Variants in EFCAB6 observed in about 807,000 individuals in gnomAD.
EFCAB6 encodes the protein EF-hand calcium binding domain 6, also known as EF-hand calcium-binding domain-containing protein 6.
A neutral mutation model predicts 169.8 loss-of-function variants in EFCAB6; 156 were observed. The ratio of observed to expected loss-of-function variants is 0.92; its 90% CI spans 0.81 to 1.05. The LOEUF (loss-of-function observed/expected upper bound fraction) is 1.05. EFCAB6 is among the 50% of genes least tolerant of loss of function. EFCAB6 has a pLI of 0.00. For synonymous variants in EFCAB6, 698 were observed against 676.4 expected (o/e 1.03, Z -0.50); for missense variants, 1,800 against 1,829.1 (o/e 0.98, Z 0.29).
intron 17 of EFCAB6, among the ~76,000 whole-genome samples, chr22:43,641,059 G>A (rs1421877980): frequency 2.0e-5 from 3 of 152,110 alleles, no homozygotes; most frequent in East Asian, 3.9e-4. Flanking sequence ...CACATGGCAG[G>A]CACTCAACAA....
At chr22:43,674,894 C>T (rs2057655898) in intron 13 of EFCAB6, among the ~76,000 whole-genome samples, 1 of 151,998 alleles carries the variant, frequency 6.6e-6, no homozygotes, top group Non-Finnish European at 1.5e-5. Flanking sequence ...TGGCTGGCTG[C>T]TCACTTGATT....
At chr22:43,640,586 T>C (rs376823272) in intron 17 of EFCAB6, among the ~76,000 whole-genome samples, 2 of 152,142 alleles carry the variant, frequency 1.3e-5, no homozygotes, top group African/African-American at 4.8e-5. Flanking sequence ...CAGGTAGCAT[T>C]AGTTACCCAG....
intron 27 of EFCAB6, among the ~76,000 whole-genome samples, chr22:43,548,003 G>A (rs1033975423): frequency 2.0e-5 from 3 of 152,046 alleles, no homozygotes; most frequent in Admixed American, 2.0e-4. Flanking sequence ...GGCTGAGGCA[G>A]GAGAATGGCG....
rs751902902 is a variant in EFCAB6 at position 43,550,079 on chromosome 22, T to C, written c.3648+4790A>G. 2.0e-4 allele frequency among the ~76,000 whole-genome samples: 30 copies of C among 151,446 alleles called. No individual in the cohort carries two copies. In the Middle Eastern group the frequency reaches 0.01, roughly 52 times the overall value. On this transcript the variant is annotated intron_variant, in intron 27 of 31. Coordinates refer to ENST00000262726, the MANE Select transcript of EFCAB6 (RefSeq NM_022785.4). ...TCTGCATGGAGTCAGGAAGGAGGAG[T>C]AGGCATTGAAAGACACGGGCAGGGG...
chr22:43,592,996 T>C (rs1307011822), intron 23 of EFCAB6, among the ~76,000 whole-genome samples: 1 of 152,066 alleles, frequency 6.6e-6, no homozygotes, highest in African/African-American at 2.4e-5. Context: ...AGATACAAAA[T>C]TGTGGTCACT....
chr22:43,623,133 G>C (rs1422569222), intron 20 of EFCAB6, among the ~76,000 whole-genome samples: 2 of 152,100 alleles, frequency 1.3e-5, no homozygotes, highest in African/African-American at 4.8e-5. Flanking sequence ...ATGACTGAAT[G>C]ATATATTTCT....
intron 4 of EFCAB6, among the ~76,000 whole-genome samples, chr22:43,766,350 AAT>A (rs978767313): frequency 1.3e-5 from 2 of 151,636 alleles, no homozygotes; most frequent in East Asian, 3.9e-4. Context: ...AGTGTTTTTA[AAT>A]ATATATATAT....
At position 43,615,864 on chromosome 22, in the gene EFCAB6, C is replaced by G; in HGVS notation, c.2524G>C (p.Val842Leu). 4 of 1,613,694 alleles carry G rather than the reference C, an allele frequency of 2.5e-6. No homozygotes were observed. In the East Asian group the frequency reaches 8.9e-5, roughly 36 times the overall value. The stretch of plus-strand genomic sequence containing the variant: ...GACCATCTGTTTTTTGCTTTGGTAA[C>G]AAGATACTGATGAGCCTGCTCACAA... ...LACEQAHQYL[V>L]TKAKNRWSDL... Residue 842 changes from valine (V) to leucine (L), a missense_variant, in exon 21 of 32, where the codon GTT (valine) becomes CTT (leucine). Val to Leu is a conservative substitution (Grantham distance 32). Coordinates refer to ENST00000262726, the MANE Select transcript of EFCAB6 (RefSeq NM_022785.4).
chr22:43,547,504 C>T (rs968431175), intron 27 of EFCAB6, among the ~76,000 whole-genome samples: 8 of 151,962 alleles, frequency 5.3e-5, no homozygotes, highest in Non-Finnish European at 1.0e-4. Context: ...CTTTGGGAGT[C>T]CGAGGCAGGT....
chr22:43,626,043 G>GTATGTATGTGTGTATATA (rs201952451), intron 20 of EFCAB6, among the ~76,000 whole-genome samples: 2 of 152,072 alleles, frequency 1.3e-5, no homozygotes, highest in Admixed American at 6.5e-5. Context: ...ATAAGTATAT[G>GTATGTATGTGTGTATATA]TATGTATGTG....
chr22:43,712,847 A>C (rs2059208962), intron 9 of EFCAB6, among the ~76,000 whole-genome samples: 1 of 152,222 alleles, frequency 6.6e-6, no homozygotes, highest in Non-Finnish European at 1.5e-5. Context: ...AAAATGGGTA[A>C]GGTATGAAAC....
At chr22:43,635,344 A>C in intron 17 of EFCAB6, 128 bp from the exon 18 acceptor site, 1 of 696,010 alleles carries the variant, frequency 1.4e-6, no homozygotes. Context: ...GACCCCACCC[A>C]CAGGCTGCCA....
chr22:43,690,164 C>T (rs1017400235), intron 10 of EFCAB6, among the ~76,000 whole-genome samples: 1 of 152,032 alleles, frequency 6.6e-6, no homozygotes, highest in African/African-American at 2.4e-5. Flanking sequence ...TCTTGCCTTC[C>T]TCCAATGTAT....
Position 43,590,240 on chromosome 22 carries a change from G to C in EFCAB6, c.2877-11C>G, listed in dbSNP as rs1325240319. ...TCCATAAGCTTATCCCTGAAAGAGA[G>C]TACATTGCAGACATACCCTAAAATC... On this transcript the variant is annotated splice_polypyrimidine_tract_variant and intron_variant, in intron 23 of 31. Transcript: ENST00000262726. The C allele has an allele frequency of 6.2e-7, 1 of 1,609,416 alleles. No homozygotes were observed. The highest frequency in any genetic ancestry group is 1.3e-5 in the African/African-American group (1 of 74,732).
chr22:43,672,707 C>T (rs751588902), intron 13 of EFCAB6, among the ~76,000 whole-genome samples: 3 of 151,940 alleles, frequency 2.0e-5, no homozygotes, highest in African/African-American at 4.8e-5. Context: ...AATTTTCACC[C>T]TCAGGAGAAT....
intron 10 of EFCAB6, among the ~76,000 whole-genome samples, chr22:43,701,600 A>C (rs2058768719): frequency 6.9e-6 from 1 of 144,140 alleles, no homozygotes; most frequent in African/African-American, 2.4e-5. Flanking sequence ...ACAGACACTA[A>C]AAACAATGGA....
chr22:43,763,438 G>C (rs934181203), intron 5 of EFCAB6, among the ~76,000 whole-genome samples: 11 of 152,160 alleles, frequency 7.2e-5, no homozygotes, highest in Non-Finnish European at 1.5e-4. Context: ...TTGTGCAAAA[G>C]ATCTCTAGAA....
At chr22:43,801,946 C>T (rs899458426) in intron 2 of EFCAB6, among the ~76,000 whole-genome samples, 1 of 152,092 alleles carries the variant, frequency 6.6e-6, no homozygotes, top group Non-Finnish European at 1.5e-5. Flanking sequence ...GAAACAACAC[C>T]CAACAATATG....
intron 10 of EFCAB6, among the ~76,000 whole-genome samples, chr22:43,710,429 A>T (rs1433292696): frequency 6.6e-6 from 1 of 152,242 alleles, no homozygotes; most frequent in African/African-American, 2.4e-5. Context: ...ATGAGTTCTT[A>T]ATCATTATTA....
Sources: gnomAD v4.1 joint callset for allele counts (sites outside exome capture counted in the v4.1 genomes callset) on GRCh38, gnomAD v4.1.1 for gene constraint, MANE v1.5 for transcripts, NCBI Gene and HGNC (gene_info 2026-07-23, HGNC 2026-07-21) for gene names.